The following WASF3 variants were observed in gnomAD, a reference collection of about 807,000 sequenced individuals.
WASF3 encodes actin-binding protein WASF3.
WASF3 carries 11 observed loss-of-function variants against 46.6 expected under a neutral mutation model. That is an observed-to-expected ratio of 0.24 (90% CI 0.15 to 0.39). WASF3 has a LOEUF of 0.39. Ranked by LOEUF, WASF3 falls within the 10% of genes least tolerant of loss-of-function variation. WASF3 has a pLI of 1.00. For missense variants in WASF3, 576 were observed against 669.8 expected (o/e 0.86, Z 1.55); for synonymous variants, 242 against 259.7 (o/e 0.93, Z 0.65).
At position 26,685,797 on chromosome 13, in the gene WASF3, C is replaced by T. The variant is rs766540206; in HGVS notation, c.1461C>T (p.Ser487=). The change falls in exon 10 of 10, where the codon AGC becomes AGT. Residue 487 remains serine, a synonymous_variant. Transcript: ENST00000335327. Reference sequence around the variant, plus strand: ...CCCGGCGCATTGCCGTGGAGTACAGCGACTCTGACGACGACTCAGAGTTCG... The same window carrying T: ...CCCGGCGCATTGCCGTGGAGTACAGTGACTCTGACGACGACTCAGAGTTCG... ...ILSRRIAVEY[S]DSDDDSEFDE... The T allele has an allele frequency of 9.3e-6, 15 of 1,614,132 alleles. No individual in the cohort carries two copies. The highest frequency in any genetic ancestry group is 2.2e-5 in the East Asian group (1 of 44,876).
chr13:26,615,445 G>C (rs34344449), intron 2 of WASF3, among the ~76,000 whole-genome samples: 4 of 151,828 alleles, frequency 2.6e-5, no homozygotes, highest in African/African-American at 9.6e-5. Context: ...AGTAGCTGGG[G>C]TTACAGGCAT....
intron 3 of WASF3, among the ~76,000 whole-genome samples, chr13:26,654,710 T>C (rs1327950840): frequency 1.3e-5 from 2 of 152,228 alleles, no homozygotes; most frequent in African/African-American, 4.8e-5. Context: ...CTTTCTGTTT[T>C]TCTTAATTTT....
chr13:26,582,377 T>A (rs1357132744), intron 1 of WASF3, among the ~76,000 whole-genome samples: 1 of 151,826 alleles, frequency 6.6e-6, no homozygotes, highest in Non-Finnish European at 1.5e-5. Flanking sequence ...GATTTCCTAA[T>A]CTAAAAAAGA....
intron 1 of WASF3, among the ~76,000 whole-genome samples, chr13:26,596,395 G>T (rs1433728226): frequency 6.6e-6 from 1 of 151,054 alleles, no homozygotes. Context: ...ATTAGACAAA[G>T]AATCTTGTAT....
intron 1 of WASF3, among the ~76,000 whole-genome samples, chr13:26,611,031 CTTTTTTTTTTT>C (rs71080282): frequency 1.8e-5 from 2 of 110,550 alleles, no homozygotes; most frequent in South Asian, 7.0e-4. Context: ...TTACTTACTC[CTTTTTTTTTTT>C]TTTTTTTTTG....
chr13:26,634,749 T>A (rs950207053), intron 2 of WASF3, among the ~76,000 whole-genome samples: 1 of 152,214 alleles, frequency 6.6e-6, no homozygotes, highest in Admixed American at 6.5e-5. Context: ...CTTATGAAGC[T>A]TAGTTTGGCT....
intron 3 of WASF3, among the ~76,000 whole-genome samples, chr13:26,647,454 T>G (rs1882184127): frequency 6.6e-6 from 1 of 152,154 alleles, no homozygotes; most frequent in South Asian, 2.1e-4. Context: ...CCGGGAGTGC[T>G]TTTTCATCAT....
At chr13:26,654,677 A>G (rs1882416155) in intron 3 of WASF3, among the ~76,000 whole-genome samples, 2 of 152,214 alleles carry the variant, frequency 1.3e-5, no homozygotes, top group South Asian at 4.1e-4. Flanking sequence ...AAAGTTCATT[A>G]TAGTTAATTA....
At chr13:26,622,781 A>G (rs1169567558) in intron 2 of WASF3, 1 of 152,216 alleles carries the variant, frequency 6.6e-6, no homozygotes, top group Admixed American at 6.5e-5. Flanking sequence ...TCTCAAAAAA[A>G]AAAAAATCTG....
upstream of WASF3, among the ~76,000 whole-genome samples, chr13:26,556,639 A>G (rs796564473): frequency 3.0e-4 from 46 of 152,336 alleles, no homozygotes; most frequent in African/African-American, 1.0e-3. Flanking sequence ...TGATTTTTCT[A>G]CTGCATTTCT....
At chr13:26,602,237 A>C (rs1880663037) in intron 1 of WASF3, among the ~76,000 whole-genome samples, 1 of 152,188 alleles carries the variant, frequency 6.6e-6, no homozygotes, top group East Asian at 1.9e-4. Context: ...GGGCTTCAGA[A>C]AATGTTTCCT....
At chr13:26,665,331 G>T (rs1297805104) in intron 4 of WASF3, among the ~76,000 whole-genome samples, 169 bp downstream of exon 4, 1 of 152,130 alleles carries the variant, frequency 6.6e-6, no homozygotes, top group Admixed American at 6.5e-5. Flanking sequence ...GTTAATTCAC[G>T]ATGAAAAGAT....
In WASF3 at chr13:26,591,381, C is replaced by T. The variant is rs575360535; in HGVS notation, c.-108-21580C>T. 1.9e-4 allele frequency among the ~76,000 whole-genome samples: 29 copies of T among 152,036 alleles called. No individual in the cohort carries two copies. In the South Asian group the frequency reaches 5.0e-3, roughly 26 times the overall value. Reference sequence around the variant, plus strand: ...AACAGAGAATAAAGTGGAGACCAGCCGGGAGGCTTGGGTGAGGATGCAAGC... The same window carrying T: ...AACAGAGAATAAAGTGGAGACCAGCTGGGAGGCTTGGGTGAGGATGCAAGC... On this transcript the variant is annotated intron_variant, in intron 1 of 9. Transcript: ENST00000335327.
At chr13:26,670,469 A>G (rs1322145973) in intron 5 of WASF3, among the ~76,000 whole-genome samples, 1 of 152,166 alleles carries the variant, frequency 6.6e-6, no homozygotes, top group Admixed American at 6.5e-5. Context: ...TGTTCTAAAC[A>G]TGTATCCCAG....
chr13:26,557,946 G>A, intron 1 of WASF3, 127 bp downstream of exon 1: 1 of 248,598 alleles, frequency 4.0e-6, no homozygotes, highest in Non-Finnish European at 7.7e-6. Flanking sequence ...ATCGCCGCGC[G>A]CTCCGGCCGG....
intron 2 of WASF3, among the ~76,000 whole-genome samples, chr13:26,613,950 G>A (rs1881056862): frequency 6.6e-6 from 1 of 152,178 alleles, no homozygotes; most frequent in Non-Finnish European, 1.5e-5. Context: ...TAGCAGACTA[G>A]TAGGGCAAGT....
At chr13:26,631,865 T>G (rs942870375) in intron 2 of WASF3, among the ~76,000 whole-genome samples, 1 of 152,242 alleles carries the variant, frequency 6.6e-6, no homozygotes, top group Admixed American at 6.5e-5. Flanking sequence ...TGGTTTGTAG[T>G]TCTCCTTGAA....
At chr13:26,657,533 A>G (rs2137446781) in intron 3 of WASF3, among the ~76,000 whole-genome samples, 1 of 152,348 alleles carries the variant, frequency 6.6e-6, no homozygotes, top group East Asian at 1.9e-4. Flanking sequence ...ATTCCTCAGT[A>G]AGACTTACAA....
At chr13:26,554,040 TTTCC>T (rs1172684562), upstream of WASF3, among the ~76,000 whole-genome samples, 244 of 35,434 alleles carry the variant, frequency 6.9e-3, 1 homozygote, top group Middle Eastern at 0.021. Context: ...TTTCTCTTTC[TTTCC>T]TTCCTTCCTT....
Sources: allele counts gnomAD v4.1 joint callset (sites outside exome capture counted in the v4.1 genomes callset), GRCh38; gene constraint gnomAD v4.1.1; transcripts MANE v1.5; gene names NCBI Gene and HGNC (gene_info 2026-07-23, HGNC 2026-07-21).